MROH2A: variants seen among roughly 807,000 people sequenced by gnomAD.
The protein encoded by MROH2A is maestro heat like repeat family member 2A, also known as maestro heat-like repeat-containing protein family member 2A.
A neutral mutation model predicts 200.4 loss-of-function variants in MROH2A; 174 were observed. The observed-to-expected ratio is 0.87, with a 90% CI of 0.77 to 0.98. The LOEUF (loss-of-function observed/expected upper bound fraction) is 0.98. Ranked by LOEUF, MROH2A falls within the 50% of genes least tolerant of loss-of-function variation. The probability of loss-of-function intolerance (pLI) is 0.00; values close to 1 mark genes in which losing one functional copy is unlikely to be tolerated. For synonymous variants in MROH2A, 829 were observed against 840.4 expected, an observed-to-expected ratio of 0.99 and a Z score of 0.23; for missense variants, 2,045 against 2,139.6, an observed-to-expected ratio of 0.96 and a Z score of 0.87.
At chr2:233,826,317 A>G (rs368508978) in intron 35 of MROH2A, among the ~76,000 whole-genome samples, 7 of 152,366 alleles carry the variant, frequency 4.6e-5, no homozygotes, top group African/African-American at 1.7e-4. Flanking sequence ...CTGGACTTCA[A>G]ACTATACTAT....
At position 233,829,680 on chromosome 2, in the gene MROH2A, G is replaced by T; in HGVS notation, c.4507G>T (p.Gly1503Trp). ...CTTTGGAAAGCTGGCAAGGGTGGTC[G>T]GGATGTCCAAGAAGCATTTCTTCAA... Reference protein sequence around the residue: ...ILFGKLARVVGMSKKHFFKGE... With the variant: ...ILFGKLARVVWMSKKHFFKGE... Residue 1503 changes from glycine (G) to tryptophan (W), a missense_variant, in exon 38 of 42, where the codon GGG becomes TGG. Gly to Trp is a radical substitution (Grantham distance 184, BLOSUM62 -2). Around this residue, in one of 3 missense-constraint regions of MROH2A, gnomAD observed 1,201 missense variants for 1,311.3 expected, o/e 0.92. Coordinates refer to ENST00000389758, the MANE Select transcript of MROH2A (RefSeq NM_001394639.1). The T allele has an allele frequency of 6.7e-7, 1 of 1,493,172 alleles. No homozygotes were observed. The highest frequency in any genetic ancestry group is 2.8e-5 in the East Asian group (1 of 36,324). The allele number at this position is 1,493,172 out of a possible 1,614,324, so 92.5% of individuals were successfully genotyped here.
chr2:233,775,751 C>T (rs994053892), upstream of MROH2A: 3 of 152,238 alleles, frequency 2.0e-5, no homozygotes, highest in African/African-American at 7.2e-5. Context: ...GTAGAGACTG[C>T]CTCTGGGTGA....
At chr2:233,818,979 C>T (rs905392537) in intron 29 of MROH2A, among the ~76,000 whole-genome samples, 3 of 152,240 alleles carry the variant, frequency 2.0e-5, no homozygotes, top group African/African-American at 7.2e-5. Flanking sequence ...GCAGTAGGTG[C>T]TTAATCTGCT....
At chr2:233,778,710 T>C (rs2126074774) in intron 1 of MROH2A, among the ~76,000 whole-genome samples, 1 of 152,340 alleles carries the variant, frequency 6.6e-6, no homozygotes, top group South Asian at 2.1e-4. Flanking sequence ...TGAGAGATAC[T>C]GATATGAATT....
chr2:233,795,703 C>CCAAATG lies in MROH2A; in HGVS notation c.1020_1025dup (p.Met341_Gln342dup). On this transcript the variant is annotated inframe_insertion, in exon 9 of 42. Transcript: ENST00000389758. ...CAGTCACCACCAACACCCCTGTCCC[C>CCAAATG]CAAATGCAGCTACACACCATTTTCA... is the stretch of plus-strand genomic sequence containing the variant. 1 of 1,551,160 alleles carries CCAAATG rather than the reference C, an allele frequency of 6.4e-7. No individual in the cohort carries two copies. The highest frequency in any genetic ancestry group is 8.7e-7 in the Non-Finnish European group (1 of 1,147,086).
chr2:233,780,346 CT>C (rs1357228210), intron 3 of MROH2A, among the ~76,000 whole-genome samples: 1 of 152,180 alleles, frequency 6.6e-6, no homozygotes, highest in East Asian at 1.9e-4. Context: ...CCAAACCTTG[CT>C]GGGCACCACC....
In MROH2A at chr2:233,804,077, G is replaced by A. The variant is rs753690223; in HGVS notation, c.1776G>A (p.Gly592=). ...LLVLMSSPYK[G]EGRGIAMLNL... ...TGCTGATGTCATCACCTTACAAGGG[G>A]GAGGGTCGTGGGATAGCCATGCTCA... Residue 592 remains glycine, a synonymous_variant, in exon 17 of 42, where the codon GGG becomes GGA. Transcript: ENST00000389758. The A allele has an allele frequency of 9.7e-6, 15 of 1,550,528 alleles. No individual in the cohort carries two copies. The highest frequency in any genetic ancestry group is 3.6e-5 in the South Asian group (3 of 84,050).
Position 233,789,889 on chromosome 2 carries a change from C to G in MROH2A, c.446C>G (p.Thr149Arg). ...ATGAAGGCAGAGGTGGCCAGCGACA[C>G]ACTGGTGGCTCTGTCCCGAAACCAC... ...GYMKAEVASDTLVALSRNHFS... is the reference protein window; with the variant it reads ...GYMKAEVASDRLVALSRNHFS... Residue 149 changes from threonine (T) to arginine (R), a missense_variant, in exon 5 of 42, where the codon ACA (threonine) becomes AGA (arginine). Around this residue, in one of 3 missense-constraint regions of MROH2A, gnomAD observed 831 missense variants for 800.0 expected, o/e 1.04. Coordinates refer to ENST00000389758, the MANE Select transcript of MROH2A (RefSeq NM_001394639.1). 1.3e-6 allele frequency: 2 copies of G among 1,550,370 alleles called. No individual in the cohort carries two copies. The highest frequency in any genetic ancestry group is 1.7e-6 in the Non-Finnish European group (2 of 1,146,868).
intron 26 of MROH2A, among the ~76,000 whole-genome samples, chr2:233,815,180 A>G (rs1703432913): frequency 6.6e-6 from 1 of 152,170 alleles, no homozygotes; most frequent in African/African-American, 2.4e-5. Flanking sequence ...TTTCATCTGG[A>G]ACAGCTTCAC....
At chr2:233,813,842 C>A in intron 25 of MROH2A, 64 bp downstream of exon 25, 1 of 890,454 alleles carries the variant, frequency 1.1e-6, no homozygotes, top group Non-Finnish European at 1.8e-6. Flanking sequence ...TAACATGGGC[C>A]ATGCTGAGAG....
At position 233,794,370 on chromosome 2, in the gene MROH2A, T is replaced by C. The variant is rs1456841453; in HGVS notation, c.830T>C (p.Leu277Pro). The C allele has an allele frequency of 6.5e-7, 1 of 1,547,412 alleles. No homozygotes were observed. Among genetic ancestry groups the C allele is most frequent in the East Asian group, 2.5e-5 (1 of 40,602 alleles). ...WLRHYNPEVKLGVIKSLKPML... is the reference protein window; with the variant it reads ...WLRHYNPEVKPGVIKSLKPML... ...GCTGGTTTCTGGTGGCAGGTGAAGCTGGGGGTGATCAAGTCCCTGAAGCCC... is the reference window on the plus strand; with the variant it reads ...GCTGGTTTCTGGTGGCAGGTGAAGCCGGGGGTGATCAAGTCCCTGAAGCCC... The change falls in exon 8 of 42, where the codon CTG becomes CCG. Residue 277 changes from leucine (L) to proline (P), a missense_variant. Leu to Pro is a moderately conservative substitution (Grantham distance 98). Coordinates refer to ENST00000389758, the MANE Select transcript of MROH2A (RefSeq NM_001394639.1).
At position 233,814,681 on chromosome 2, in the gene MROH2A, AGTTGCCT is replaced by A; in HGVS notation, c.2856+6_2856+12del. 1 of 1,546,586 alleles carries A rather than the reference AGTTGCCT, an allele frequency of 6.5e-7. No individual in the cohort carries two copies. Among genetic ancestry groups the A allele is most frequent in the Non-Finnish European group, 8.7e-7 (1 of 1,144,448 alleles). On this transcript the variant is annotated splice_donor_5th_base_variant and intron_variant, in intron 26 of 41. Coordinates refer to ENST00000389758, the MANE Select transcript of MROH2A (RefSeq NM_001394639.1). Reference sequence around the variant, plus strand: ...GGGGCTGCAGGAGATGGTGCAGGTGAGTTGCCTGGTGGCGGGCCAGAGCCAGGGATGG... The same window carrying A: ...GGGGCTGCAGGAGATGGTGCAGGTGAGGTGGCGGGCCAGAGCCAGGGATGG...
chr2:233,786,269 G>A (rs535321769), intron 3 of MROH2A, among the ~76,000 whole-genome samples: 97 of 152,314 alleles, frequency 6.4e-4, no homozygotes, highest in African/African-American at 2.1e-3. Flanking sequence ...AGGTATGTTT[G>A]CATTAGCAAT....
chr2:233,789,751 C>A, intron 4 of MROH2A, 101 bp from the exon 5 acceptor site: 1 of 1,477,424 alleles, frequency 6.8e-7, no homozygotes, highest in Non-Finnish European at 9.0e-7. Flanking sequence ...TAAGGCTGAG[C>A]CCAAGGGAAC....
At chr2:233,809,624 G>C (rs985803426) in intron 22 of MROH2A, among the ~76,000 whole-genome samples, 4 of 152,188 alleles carry the variant, frequency 2.6e-5, no homozygotes, top group African/African-American at 9.7e-5. Context: ...AGGAACAAGA[G>C]GTGGGGTTGT....
chr2:233,776,020 G>A (rs1044419159), upstream of MROH2A, among the ~76,000 whole-genome samples: 2 of 152,074 alleles, frequency 1.3e-5, no homozygotes, highest in African/African-American at 2.4e-5. Flanking sequence ...TGCCATGATT[G>A]TGAGGCCTCC....
intron 35 of MROH2A, among the ~76,000 whole-genome samples, chr2:233,825,756 G>C (rs149069136): frequency 3.2e-4 from 48 of 152,178 alleles, no homozygotes; most frequent in African/African-American, 1.1e-3. Context: ...ATGTTCATCA[G>C]GGATATTGGC....
rs947661583 is a variant in MROH2A at position 233,828,697 on chromosome 2, G to C, written c.4181G>C (p.Gly1394Ala). ...CCGGCAGCTTTGCTGCTGGAGAAGG[G>C]TGCCGACCAGGAGGAAGACGAGGCC... ...LKPAALLLEK[G>A]ADQEEDEALR... Residue 1394 changes from glycine to alanine, a missense_variant, in exon 36 of 42, where the codon GGT becomes GCT. Coordinates refer to ENST00000389758, the MANE Select transcript of MROH2A (RefSeq NM_001394639.1). The surrounding 1 kb of genome is among the most constrained non-coding windows in gnomAD (Gnocchi z 4.6). The C allele has an allele frequency of 4.5e-6, 7 of 1,550,618 alleles. No homozygotes were observed. In the African/African-American group the frequency reaches 9.6e-5, roughly 21 times the overall value.
chr2:233,802,586 T>C (rs1006533355), intron 15 of MROH2A: 2 of 344,516 alleles, frequency 5.8e-6, no homozygotes, highest in Non-Finnish European at 1.1e-5. Context: ...ATCCCATCCT[T>C]GGGAGCTCCT....
Sources: allele counts gnomAD v4.1 joint callset (sites outside exome capture counted in the v4.1 genomes callset), GRCh38; gene constraint gnomAD v4.1.1; regional missense constraint gnomAD v4.1.1; non-coding constraint Gnocchi (gnomAD v3.1); transcripts MANE v1.5; gene names NCBI Gene and HGNC (gene_info 2026-07-23, HGNC 2026-07-21).